GAL3ST3: variants seen among roughly 807,000 people sequenced by gnomAD.
The protein encoded by GAL3ST3 is beta-galactose-3-O-sulfotransferase 3.
GAL3ST3 carries 21 observed loss-of-function variants against 20.8 expected under a neutral mutation model. The ratio of observed to expected loss-of-function variants is 1.01; its 90% CI spans 0.72 to 1.45. The LOEUF (loss-of-function observed/expected upper bound fraction) is 1.45. Among genes scored for constraint, GAL3ST3 ranks in the 40% most tolerant of loss-of-function variants. The pLI is 0.00. For synonymous variants in GAL3ST3, 355 were observed against 307.2 expected (o/e 1.16, Z -1.63); for missense variants, 739 against 662.7 (o/e 1.12, Z -1.26).
In GAL3ST3 at chr11:66,042,287, CCCAGCGCTGGAT is replaced by C. The variant is rs1856712634; in HGVS notation, c.*208_*219del. 2.0e-6 allele frequency: 1 copy of C among 502,252 alleles called. No individual in the cohort carries two copies. The highest frequency in any genetic ancestry group is 3.4e-5 in the East Asian group (1 of 29,218). The allele number at this position is 502,252 out of a possible 1,614,324, so 31.1% of individuals were successfully genotyped here. A position where few individuals can be genotyped will look rare whatever the true frequency, so the allele number is the denominator to read the frequency against. ...CAACCAGCTGGGAAGGAGAGGGTGG[CCCAGCGCTGGAT>C]CCAGCCTATCAGCGCCGTGCCCGAA... is the stretch of plus-strand genomic sequence containing the variant. On this transcript the variant is annotated 3_prime_UTR_variant, in exon 3 of 3. Coordinates refer to ENST00000312006, the MANE Select transcript of GAL3ST3 (RefSeq NM_033036.3).
At position 66,045,339 on chromosome 11, in the gene GAL3ST3, C is replaced by T. The variant is rs767410987; in HGVS notation, c.77G>A (p.Gly26Glu). The change falls in exon 2 of 3, where the codon GGG (glycine) becomes GAG (glutamate). Residue 26 changes from glycine to glutamate, a missense_variant. Gly to Glu is a moderately conservative substitution (Grantham distance 98). Coordinates refer to ENST00000312006, the MANE Select transcript of GAL3ST3 (RefSeq NM_033036.3). ...GATGAGAAGGCTTACGGTGCTGCAC[C>T]CTAGCACCAGCAGCAGGATTTTCCG... Reference protein sequence around the residue: ...SRRKILLLVLGCSTVSLLIHQ... With the variant: ...SRRKILLLVLECSTVSLLIHQ... 1 of 1,607,978 alleles carries T rather than the reference C, an allele frequency of 6.2e-7. No homozygotes were observed. The highest frequency in any genetic ancestry group is 1.7e-5 in the Admixed American group (1 of 59,374).
chr11:66,044,178 C>T (rs1208877428), intron 2 of GAL3ST3, among the ~76,000 whole-genome samples: 1 of 152,184 alleles, frequency 6.6e-6, no homozygotes, highest in African/African-American at 2.4e-5. Context: ...AGCTTGGAAG[C>T]TGATCCCTTC....
chr11:66,045,624 C>T, intron 1 of GAL3ST3, 97 bp from the exon 2 acceptor site: 2 of 458,012 alleles, frequency 4.4e-6, no homozygotes, highest in East Asian at 3.7e-5. Context: ...GTGGGGTAAG[C>T]AGAGAGGCCA....
intron 1 of GAL3ST3, 147 bp from the exon 2 acceptor site, chr11:66,045,674 T>A (rs1372317551): frequency 3.0e-6 from 1 of 329,550 alleles, no homozygotes; most frequent in Non-Finnish European, 5.5e-6. Context: ...CAAGACCCTA[T>A]CTCCTCACTG....
At position 66,043,094 on chromosome 11, in the gene GAL3ST3, G is replaced by A; in HGVS notation, c.709C>T (p.Leu237Phe). 5 of 1,612,000 alleles carry A rather than the reference G, an allele frequency of 3.1e-6. No homozygotes were observed. Among genetic ancestry groups the A allele is most frequent in the Non-Finnish European group, 3.4e-6 (4 of 1,179,428 alleles). The part of the protein sequence containing the change: ...LIRQVEEVFS[L>F]VMIAEYFDES... ...TCGAAGTACTCGGCGATCATGACGA[G>A]CGAGAAAACCTCCTCCACCTGGCGG... is the stretch of plus-strand genomic sequence containing the variant. Residue 237 changes from leucine to phenylalanine, a missense_variant, in exon 3 of 3, where the codon CTC (leucine) becomes TTC (phenylalanine). Physicochemically the swap from Leu to Phe is conservative, Grantham distance 22. Coordinates refer to ENST00000312006, the MANE Select transcript of GAL3ST3 (RefSeq NM_033036.3).
chr11:66,042,476 C>T lies in GAL3ST3; in HGVS notation c.*31G>A. 7.0e-7 allele frequency: 1 copy of T among 1,430,090 alleles called. No homozygotes were observed. The highest frequency in any genetic ancestry group is 9.1e-7 in the Non-Finnish European group (1 of 1,097,004). The allele number at this position is 1,430,090 out of a possible 1,614,324, so 88.6% of individuals were successfully genotyped here. ...TGGCTGGACTCCTGGGAGGGCAGGGCAGGACCCATACTCCTGGAGGCCTGC... is the reference window on the plus strand; with the variant it reads ...TGGCTGGACTCCTGGGAGGGCAGGGTAGGACCCATACTCCTGGAGGCCTGC... On this transcript the variant is annotated 3_prime_UTR_variant, in exon 3 of 3. Transcript: ENST00000312006.
chr11:66,047,213 C>T (rs1474114639), intron 1 of GAL3ST3, among the ~76,000 whole-genome samples: 1 of 152,138 alleles, frequency 6.6e-6, no homozygotes. Flanking sequence ...GAAGTGAGAG[C>T]CCTTGGCCCT....
In GAL3ST3 at chr11:66,049,108, G is replaced by A. The variant is rs1031114154; in HGVS notation, c.-210C>T. The A allele has an allele frequency of 2.0e-5, 3 of 152,438 alleles. No individual in the cohort carries two copies. Among genetic ancestry groups the A allele is most frequent in the Non-Finnish European group, 4.4e-5 (3 of 68,276 alleles). The allele number at this position is 152,438 out of a possible 1,614,324, so 9.4% of individuals were successfully genotyped here. ...ATCCGCACGGGGTCCGAGGGTGCCCGGGGCCCTGCGCGCCGAGTGCCGGTG... is the reference window on the plus strand; with the variant it reads ...ATCCGCACGGGGTCCGAGGGTGCCCAGGGCCCTGCGCGCCGAGTGCCGGTG... On this transcript the variant is annotated 5_prime_UTR_variant, in exon 1 of 3. Coordinates refer to ENST00000312006, the MANE Select transcript of GAL3ST3 (RefSeq NM_033036.3).
chr11:66,042,585 C>A lies in GAL3ST3; in HGVS notation c.1218G>T (p.Arg406=), dbSNP rs770628465. 4 of 1,535,820 alleles carry A rather than the reference C, an allele frequency of 2.6e-6. No individual in the cohort carries two copies. Among genetic ancestry groups the A allele is most frequent in the Non-Finnish European group, 3.5e-6 (4 of 1,147,212 alleles). The stretch of plus-strand genomic sequence containing the variant: ...TGTCCAGGACGGGCTCGGGCCGAGC[C>A]CGCGCACCGCCCCGGCGCTTCTGCT... ...LRKQKRRGGA[R]ARPEPVLDNP... Residue 406 remains arginine (R), a synonymous_variant, in exon 3 of 3, where the codon CGG becomes CGT. Transcript: ENST00000312006.
chr11:66,043,601 A>G lies in GAL3ST3; in HGVS notation c.202T>C (p.Phe68Leu). ...PPRPKHMTVAFLKTHKTAGTT... is the reference protein window; with the variant it reads ...PPRPKHMTVALLKTHKTAGTT... ...CCTGCCGTCTTGTGAGTCTTCAGGA[A>G]GGCCACAGTCATGTGCTTGGGGCGC... Residue 68 changes from phenylalanine (F) to leucine (L), a missense_variant, in exon 3 of 3, where the codon TTC (phenylalanine) becomes CTC (leucine). By Grantham distance (22) the Phe-to-Leu change is conservative. Transcript: ENST00000312006. 2.5e-6 allele frequency: 4 copies of G among 1,612,880 alleles called. No individual in the cohort carries two copies. The South Asian group carries it at 3.3e-5, about 13-fold the overall frequency.
Position 66,045,343 on chromosome 11 carries a change from G to T in GAL3ST3, c.73C>A (p.Leu25Ile). 6.2e-7 allele frequency: 1 copy of T among 1,608,124 alleles called. No individual in the cohort carries two copies. The highest frequency in any genetic ancestry group is 8.5e-7 in the Non-Finnish European group (1 of 1,176,996). ...MSRRKILLLV[L>I]GCSTVSLLIH... ...AGAAGGCTTACGGTGCTGCACCCTA[G>T]CACCAGCAGCAGGATTTTCCGGCGG... The change falls in exon 2 of 3, where the codon CTA (leucine) becomes ATA (isoleucine). Residue 25 changes from leucine (L) to isoleucine (I), a missense_variant. Leu to Ile is a conservative substitution (Grantham distance 5). Coordinates refer to ENST00000312006, the MANE Select transcript of GAL3ST3 (RefSeq NM_033036.3).
chr11:66,042,493 G>T lies in GAL3ST3; in HGVS notation c.*14C>A. 6.9e-7 allele frequency: 1 copy of T among 1,452,704 alleles called. No homozygotes were observed. The highest frequency in any genetic ancestry group is 9.0e-7 in the Non-Finnish European group (1 of 1,109,872). The allele number at this position is 1,452,704 out of a possible 1,614,324, so 90.0% of individuals were successfully genotyped here. On this transcript the variant is annotated 3_prime_UTR_variant, in exon 3 of 3. Transcript: ENST00000312006. ...GGGCAGGGCAGGACCCATACTCCTG[G>T]AGGCCTGCGGAGCTCAGGGACCTTG...
At position 66,043,353 on chromosome 11, in the gene GAL3ST3, G is replaced by A. The variant is rs763744159; in HGVS notation, c.450C>T (p.Ile150=). ...CGAACATGGCGGCCGGCTCGCGCAG[G>A]ATGGTGACATAGACGGTGCTGGGCG... ...LMPPSTVYVT[I]LREPAAMFES... is the part of the protein sequence containing the mutation. The change falls in exon 3 of 3, where the codon ATC becomes ATT. Residue 150 remains isoleucine, a synonymous_variant. Coordinates refer to ENST00000312006, the MANE Select transcript of GAL3ST3 (RefSeq NM_033036.3). 6.2e-7 allele frequency: 1 copy of A among 1,610,056 alleles called. No individual in the cohort carries two copies. The highest frequency in any genetic ancestry group is 1.7e-5 in the Admixed American group (1 of 59,640).
In GAL3ST3 at chr11:66,045,290, C is replaced by T. The variant is rs771142536; in HGVS notation, c.125+1G>A. On this transcript the variant is annotated splice_donor_variant, in intron 2 of 2. Coordinates refer to ENST00000312006, the MANE Select transcript of GAL3ST3 (RefSeq NM_033036.3). LOFTEE classifies it high-confidence loss of function. ...GCCCCCCTGGGGCCCCGCCCCCTTA[C>T]CAGCTGAGCTGCGCCCCCTGGTGGA... 1.3e-6 allele frequency: 2 copies of T among 1,561,630 alleles called. No homozygotes were observed. Among genetic ancestry groups the T allele is most frequent in the Admixed American group, 3.8e-5 (2 of 52,536 alleles).
chr11:66,042,534 C>A lies in GAL3ST3; in HGVS notation c.1269G>T (p.Val423=). 6.6e-7 allele frequency: 1 copy of A among 1,506,966 alleles called. No homozygotes were observed. The highest frequency in any genetic ancestry group is 1.3e-5 in the South Asian group (1 of 79,166). The allele number at this position is 1,506,966 out of a possible 1,614,324, so 93.3% of individuals were successfully genotyped here. A position where few individuals can be genotyped will look rare whatever the true frequency, so the allele number is the denominator to read the frequency against. The change falls in exon 3 of 3, where the codon GTG becomes GTT. Residue 423 remains valine, a synonymous_variant. Coordinates refer to ENST00000312006, the MANE Select transcript of GAL3ST3 (RefSeq NM_033036.3). The stretch of plus-strand genomic sequence containing the variant: ...AGGGACCTTGAGGGCCGCGAGGCAG[C>A]ACTCGGATGGGCCGAGGCGGGGGAT... ...LDNPPPRPIR[V]LPRGPQGP
In GAL3ST3 at chr11:66,043,432, T is replaced by G; in HGVS notation, c.371A>C (p.His124Pro). The G allele has an allele frequency of 6.2e-7, 1 of 1,609,010 alleles. No homozygotes were observed. Among genetic ancestry groups the G allele is most frequent in the Non-Finnish European group, 8.5e-7 (1 of 1,178,062 alleles). ...HFVHPATRPPHVLASHLRFDR... is the reference protein window; with the variant it reads ...HFVHPATRPPPVLASHLRFDR... The stretch of plus-strand genomic sequence containing the variant: ...GAAGCGCAGGTGGCTGGCCAGCACG[T>G]GCGGCGGCCGCGTGGCCGGGTGCAC... The change falls in exon 3 of 3, where the codon CAC (histidine) becomes CCC (proline). Residue 124 changes from histidine to proline, a missense_variant. His to Pro is a moderately conservative substitution (Grantham distance 77). Transcript: ENST00000312006.
Position 66,043,091 on chromosome 11 carries a change from C to G in GAL3ST3, c.712G>C (p.Val238Leu), listed in dbSNP as rs748760322. ...TCGTCGAAGTACTCGGCGATCATGACGAGCGAGAAAACCTCCTCCACCTGG... is the reference window on the plus strand; with the variant it reads ...TCGTCGAAGTACTCGGCGATCATGAGGAGCGAGAAAACCTCCTCCACCTGG... ...IRQVEEVFSL[V>L]MIAEYFDESL... Residue 238 changes from valine (V) to leucine (L), a missense_variant, in exon 3 of 3, where the codon GTC (valine) becomes CTC (leucine). Coordinates refer to ENST00000312006, the MANE Select transcript of GAL3ST3 (RefSeq NM_033036.3). 3.7e-6 allele frequency: 6 copies of G among 1,611,944 alleles called. No homozygotes were observed. Among genetic ancestry groups the G allele is most frequent in the Non-Finnish European group, 5.1e-6 (6 of 1,179,416 alleles).
At chr11:66,047,633 C>T (rs1856795248) in intron 1 of GAL3ST3, among the ~76,000 whole-genome samples, 2 of 152,200 alleles carry the variant, frequency 1.3e-5, no homozygotes. Flanking sequence ...TTCTGTATGG[C>T]CACTGTCAAT....
chr11:66,043,797 G>A, intron 2 of GAL3ST3, 120 bp from the exon 3 acceptor site: 1 of 868,062 alleles, frequency 1.2e-6, no homozygotes, highest in Non-Finnish European at 1.7e-6. Context: ...TGCACTCATG[G>A]AAAGGTCGAG....
Sources: allele counts gnomAD v4.1 joint callset (sites outside exome capture counted in the v4.1 genomes callset), GRCh38; gene constraint gnomAD v4.1.1; transcripts MANE v1.5; gene names NCBI Gene and HGNC (gene_info 2026-07-23, HGNC 2026-07-21).